The following BEND4 variants were observed in gnomAD, a reference collection of about 807,000 sequenced individuals.
BEND4 encodes the protein BEN domain containing 4.
BEND4 carries 27 observed loss-of-function variants against 54.7 expected under a neutral mutation model. That is an observed-to-expected ratio of 0.49 (90% CI 0.36 to 0.68). BEND4 has a LOEUF of 0.68. Among genes scored for constraint, BEND4 ranks in the 30% least tolerant of loss-of-function variants. The pLI, the probability that BEND4 is intolerant of heterozygous loss-of-function variation, is 0.00. For synonymous variants in BEND4, 327 were observed against 299.5 expected (o/e 1.09, Z -0.95); for missense variants, 702 against 697.2 (o/e 1.01, Z -0.08).
intron 2 of BEND4, chr4:42,151,456 G>T: frequency 2.4e-6 from 1 of 423,436 alleles, no homozygotes. Context: ...TGTTAGGCGC[G>T]CGCCGTCGGA....
chr4:42,128,917 C>A (rs1427486764), intron 3 of BEND4, among the ~76,000 whole-genome samples: 1 of 152,094 alleles, frequency 6.6e-6, no homozygotes, highest in Non-Finnish European at 1.5e-5. Context: ...GCTTGGGCGA[C>A]TGAATGAGAC....
At chr4:42,145,535 T>C (rs1212313558) in intron 2 of BEND4, among the ~76,000 whole-genome samples, 1 of 151,526 alleles carries the variant, frequency 6.6e-6, no homozygotes, top group African/African-American at 2.4e-5. Context: ...CTACTACAAA[T>C]ACAAAAATTA....
intron 3 of BEND4, among the ~76,000 whole-genome samples, chr4:42,134,542 G>C (rs911263298): frequency 6.6e-6 from 1 of 152,152 alleles, no homozygotes; most frequent in Admixed American, 6.5e-5. Flanking sequence ...CCTAACAGTG[G>C]GCTAGGAAAG....
intron 3 of BEND4, among the ~76,000 whole-genome samples, chr4:42,140,471 G>A (rs1055440214): frequency 6.6e-6 from 1 of 152,210 alleles, no homozygotes; most frequent in Non-Finnish European, 1.5e-5. Flanking sequence ...TTGTCAACAG[G>A]GTTGAATGTT....
intron 3 of BEND4, among the ~76,000 whole-genome samples, chr4:42,137,401 A>C (rs553465262): frequency 6.6e-6 from 1 of 152,326 alleles, no homozygotes; most frequent in African/African-American, 2.4e-5. Flanking sequence ...AAGACCAGAA[A>C]CTATAAAAGT....
intron 3 of BEND4, among the ~76,000 whole-genome samples, chr4:42,142,638 A>T (rs1304373279): frequency 3.9e-5 from 5 of 129,570 alleles, no homozygotes; most frequent in Admixed American, 3.6e-4. Context: ...CTCCGTCTCA[A>T]AAAAAAAAAA....
chr4:42,112,319 C>A lies in BEND4; in HGVS notation c.*5199G>T, dbSNP rs750759427. The A allele has an allele frequency of 6.6e-6, 1 of 152,180 alleles. No homozygotes were observed. Among genetic ancestry groups the A allele is most frequent in the Non-Finnish European group, 1.5e-5 (1 of 68,044 alleles). The allele number at this position is 152,180 out of a possible 1,614,324, so 9.4% of individuals were successfully genotyped here. ...TGCATTAAAGTACTTATCCAAGTAACTGTCACACAATAACTCAATAGATAG... is the reference window on the plus strand; with the variant it reads ...TGCATTAAAGTACTTATCCAAGTAAATGTCACACAATAACTCAATAGATAG... On this transcript the variant is annotated 3_prime_UTR_variant, in exon 6 of 6. Transcript: ENST00000502486.
chr4:42,152,433 A>C, intron 1 of BEND4, 57 bp from the exon 2 acceptor site: 1 of 171,558 alleles, frequency 5.8e-6, no homozygotes, highest in South Asian at 2.0e-4. Flanking sequence ...GCTAATGATA[A>C]TGGGGGCGGG....
rs1025584395 is a variant in BEND4, at chr4:42,111,621, T to C, written c.*5897A>G. The C allele has an allele frequency of 6.6e-6, 1 of 152,180 alleles. No homozygotes were observed. Among genetic ancestry groups the C allele is most frequent in the African/African-American group, 2.4e-5 (1 of 41,442 alleles). 9.4% of individuals were successfully genotyped at this position (152,180 alleles called of 1,614,324 possible). A position where few individuals can be genotyped will look rare whatever the true frequency, so the allele number is the denominator to read the frequency against. ...AAAACTACAGGAAAAAATCAACAGATTACTGTATTTTCTTACAAAATTTTC... is the reference window on the plus strand; with the variant it reads ...AAAACTACAGGAAAAAATCAACAGACTACTGTATTTTCTTACAAAATTTTC... On this transcript the variant is annotated 3_prime_UTR_variant, in exon 6 of 6. Coordinates refer to ENST00000502486, the MANE Select transcript of BEND4 (RefSeq NM_207406.4).
intron 5 of BEND4, among the ~76,000 whole-genome samples, chr4:42,118,181 A>C (rs1009077372): frequency 1.3e-5 from 2 of 152,180 alleles, no homozygotes; most frequent in African/African-American, 4.8e-5. Flanking sequence ...AGAGTACAAT[A>C]AAATAACAGT....
chr4:42,140,024 G>A (rs769291372), intron 3 of BEND4, among the ~76,000 whole-genome samples: 10 of 152,240 alleles, frequency 6.6e-5, no homozygotes, highest in Non-Finnish European at 1.2e-4. Flanking sequence ...CAAGTAAAAA[G>A]TGGATTCTTG....
rs1032243188 is a variant in BEND4 at position 42,113,830 on chromosome 4, C to T, written c.*3688G>A. 2.0e-5 allele frequency: 3 copies of T among 152,116 alleles called. 1 individual carries two copies. In the South Asian group the frequency reaches 6.2e-4, roughly 32 times the overall value. The allele number at this position is 152,116 out of a possible 1,614,324, so 9.4% of individuals were successfully genotyped here. A position where few individuals can be genotyped will look rare whatever the true frequency, so the allele number is the denominator to read the frequency against. ...CCGTGAAGTAGCTACAAATATGTCTCGAATCCCCTACAAAAGGAGATAACA... is the reference window on the plus strand; with the variant it reads ...CCGTGAAGTAGCTACAAATATGTCTTGAATCCCCTACAAAAGGAGATAACA... On this transcript the variant is annotated 3_prime_UTR_variant, in exon 6 of 6. Transcript: ENST00000502486.
Position 42,143,920 on chromosome 4 carries a change from G to C in BEND4, c.562C>G (p.Leu188Val). ...GACTGAGAATGGTTGGAGTCCAGGA[G>C]TTTTCCTCCACAATTTAAGAGGCTA... ...VLSLLNCGGK[L>V]LDSNHSQSMI... is the part of the protein sequence containing the mutation. Residue 188 changes from leucine (L) to valine (V), a missense_variant, in exon 3 of 6, where the codon CTC becomes GTC. By Grantham distance (32) the Leu-to-Val change is conservative. Transcript: ENST00000502486. 6.5e-7 allele frequency: 1 copy of C among 1,537,500 alleles called. No individual in the cohort carries two copies. The highest frequency in any genetic ancestry group is 8.7e-7 in the Non-Finnish European group (1 of 1,146,328).
chr4:42,141,996 T>G (rs1290508680), intron 3 of BEND4, among the ~76,000 whole-genome samples: 2 of 151,736 alleles, frequency 1.3e-5, no homozygotes, highest in East Asian at 4.0e-4. Flanking sequence ...CTCTGCCTCC[T>G]GGGTTCACGT....
intron 3 of BEND4, among the ~76,000 whole-genome samples, chr4:42,128,232 C>A (rs1290274697): frequency 1.3e-5 from 2 of 152,194 alleles, no homozygotes; most frequent in Non-Finnish European, 2.9e-5. Flanking sequence ...AAATCCACAG[C>A]CAATATCATA....
At chr4:42,133,833 A>G (rs1720596177) in intron 3 of BEND4, among the ~76,000 whole-genome samples, 1 of 152,210 alleles carries the variant, frequency 6.6e-6, no homozygotes, top group African/African-American at 2.4e-5. Context: ...CAGCCTGGGC[A>G]ACAGAGCGAG....
At chr4:42,146,366 T>C (rs921361352) in intron 2 of BEND4, among the ~76,000 whole-genome samples, 1 of 152,230 alleles carries the variant, frequency 6.6e-6, no homozygotes, top group Non-Finnish European at 1.5e-5. Context: ...TGAAGGTGTA[T>C]TTGCCAAGGT....
chr4:42,131,170 T>TG (rs1720494484), intron 3 of BEND4, among the ~76,000 whole-genome samples: 2 of 152,058 alleles, frequency 1.3e-5, no homozygotes, highest in African/African-American at 2.4e-5. Flanking sequence ...CAACGGCACA[T>TG]GTTTACCTAT....
chr4:42,125,590 G>A lies in BEND4; in HGVS notation c.1139C>T (p.Pro380Leu), dbSNP rs374001079. Residue 380 changes from proline to leucine, a missense_variant, in exon 4 of 6, where the codon CCG becomes CTG. Pro to Leu is a moderately conservative substitution (Grantham distance 98). Coordinates refer to ENST00000502486, the MANE Select transcript of BEND4 (RefSeq NM_207406.4). ...QLLIPQPADQ[P>L]TEGSKQLLNN... is the part of the protein sequence containing the mutation. ...TTTTTACCAGAGACCTACCTCTGTC[G>A]GCTGGTCAGCTGGCTGTGGTATCAG... 2.0e-5 allele frequency: 32 copies of A among 1,612,472 alleles called. No individual in the cohort carries two copies. Among genetic ancestry groups the A allele is most frequent in the South Asian group, 1.6e-4 (15 of 91,032 alleles).
Sources: allele counts gnomAD v4.1 joint callset (sites outside exome capture counted in the v4.1 genomes callset), GRCh38; gene constraint gnomAD v4.1.1; transcripts MANE v1.5; gene names NCBI Gene and HGNC (gene_info 2026-07-23, HGNC 2026-07-21).